The following LBP variants were observed in gnomAD, a reference collection of about 807,000 sequenced individuals.
LBP encodes lipopolysaccharide-binding protein.
In LBP, 53 loss-of-function variants were observed where a neutral mutation model predicts 56.6. That is an observed-to-expected ratio of 0.94 (90% confidence interval 0.75 to 1.18). LBP has a LOEUF of 1.18. Among genes scored for constraint, LBP ranks in the 50% most tolerant of loss-of-function variants. The pLI, the probability that LBP is intolerant of heterozygous loss-of-function variation, is 0.00. For missense variants in LBP, 601 were observed against 598.3 expected (o/e 1.00, Z -0.05); for synonymous variants, 227 against 247.5 (o/e 0.92, Z 0.78).
intron 7 of LBP, 46 bp from the exon 8 acceptor site, chr20:38,364,530 A>G (rs775204392): frequency 6.3e-7 from 1 of 1,596,838 alleles, no homozygotes; most frequent in East Asian, 2.2e-5. Context: ...CCCCTGCCCC[A>G]CGATAGGCTT....
At chr20:38,364,546 A>T in intron 7 of LBP, 30 bp from the exon 8 acceptor site, 1 of 1,612,338 alleles carries the variant, frequency 6.2e-7, no homozygotes, top group Non-Finnish European at 8.5e-7. Flanking sequence ...GGCTTTGAAA[A>T]GTCCAATTGG....
At chr20:38,365,558 A>G (rs2076877589) in intron 8 of LBP, among the ~76,000 whole-genome samples, 1 of 151,214 alleles carries the variant, frequency 6.6e-6, no homozygotes, top group African/African-American at 2.4e-5. Context: ...TTAGCTGGGC[A>G]TGGTGGCACA....
intron 3 of LBP, among the ~76,000 whole-genome samples, chr20:38,352,728 C>G (rs2076824790): frequency 6.6e-6 from 1 of 152,134 alleles, no homozygotes; most frequent in Non-Finnish European, 1.5e-5. Context: ...GCACTCCAGT[C>G]TGGGCAAGAG....
Position 38,346,915 on chromosome 20 carries a change from T to C in LBP, c.124+275T>C, listed in dbSNP as rs146588891. 1.9e-4 allele frequency among the ~76,000 whole-genome samples: 29 copies of C among 152,226 alleles called. No individual in the cohort carries two copies. In the Middle Eastern group the frequency reaches 0.014, roughly 71 times the overall value. On this transcript the variant is annotated intron_variant, in intron 1 of 14. Coordinates refer to ENST00000217407, the MANE Select transcript of LBP (RefSeq NM_004139.5). ...TGGGAAATGATTCCAGGAAACACTGTAGGGAATCGGTACTGAGATGAGGAA... is the reference window on the plus strand; with the variant it reads ...TGGGAAATGATTCCAGGAAACACTGCAGGGAATCGGTACTGAGATGAGGAA...
chr20:38,364,512 A>C (rs987005047), intron 7 of LBP, 64 bp from the exon 8 acceptor site: 24 of 1,488,724 alleles, frequency 1.6e-5, no homozygotes, highest in Non-Finnish European at 2.2e-5. Flanking sequence ...GTGTAGGGGA[A>C]TACCTAGCCC....
chr20:38,368,047 A>AAAAGAAAG (rs559104819), intron 9 of LBP, among the ~76,000 whole-genome samples: 179 of 152,106 alleles, frequency 1.2e-3, no homozygotes, highest in African/African-American at 4.2e-3. Context: ...GAAAAGTTAA[A>AAAAGAAAG]AAAGAAAGAA....
Position 38,376,679 on chromosome 20 carries a change from A to G in LBP, c.*10A>G, listed in dbSNP as rs1157005027. On this transcript the variant is annotated 3_prime_UTR_variant, in exon 15 of 15. Coordinates refer to ENST00000217407, the MANE Select transcript of LBP (RefSeq NM_004139.5). ...ATACATGAGAGTTTGAGGACAAGAA[A>G]GATGAAGCTTGGAGGTCACAGCTGG... The G allele has an allele frequency of 6.2e-7, 1 of 1,612,960 alleles. No individual in the cohort carries two copies. Among genetic ancestry groups the G allele is most frequent in the Non-Finnish European group, 8.5e-7 (1 of 1,179,032 alleles).
At chr20:38,376,585 G>A (rs1180111720) in intron 14 of LBP, 40 bp from the exon 15 acceptor site, 3 of 1,588,230 alleles carry the variant, frequency 1.9e-6, no homozygotes, top group East Asian at 2.2e-5. Flanking sequence ...TTGGAGTAGA[G>A]GATGCTCTTT....
At chr20:38,347,764 G>A (rs1299178901) in intron 1 of LBP, among the ~76,000 whole-genome samples, 4 of 152,080 alleles carry the variant, frequency 2.6e-5, no homozygotes, top group East Asian at 1.9e-4. Context: ...AAAAAGCCTC[G>A]GGACATACAG....
intron 5 of LBP, among the ~76,000 whole-genome samples, chr20:38,355,687 T>C (rs1450513424): frequency 6.6e-6 from 1 of 152,032 alleles, no homozygotes; most frequent in Non-Finnish European, 1.5e-5. Flanking sequence ...CTCCCTCTGC[T>C]CCACCTTGCT....
chr20:38,368,881 T>C, intron 9 of LBP, 114 bp from the exon 10 acceptor site: 1 of 1,091,288 alleles, frequency 9.2e-7, no homozygotes, highest in Non-Finnish European at 1.4e-6. Flanking sequence ...GAGAATTTTG[T>C]TGGAAATAAA....
intron 4 of LBP, among the ~76,000 whole-genome samples, chr20:38,355,011 G>A (rs980804209): frequency 5.9e-5 from 9 of 152,176 alleles, no homozygotes; most frequent in Middle Eastern, 3.2e-3. Flanking sequence ...CAGGCCAGGC[G>A]ACAGAGGTTG....
chr20:38,354,285 A>C lies in LBP; in HGVS notation c.370A>C (p.Lys124Gln). 6.2e-7 allele frequency: 1 copy of C among 1,611,174 alleles called. No individual in the cohort carries two copies. Among genetic ancestry groups the C allele is most frequent in the Non-Finnish European group, 8.5e-7 (1 of 1,178,654 alleles). Reference sequence around the variant, plus strand: ...CATGGCTTCTCTTACCTCCTCCAGCAAACTACAGGGCTCCTTTGATGTCAG... The same window carrying C: ...CATGGCTTCTCTTACCTCCTCCAGCCAACTACAGGGCTCCTTTGATGTCAG... The part of the protein sequence containing the change: ...GRWKVRKSFF[K>Q]LQGSFDVSVK... The change falls in exon 4 of 15, where the codon AAA becomes CAA. Residue 124 changes from lysine (K) to glutamine (Q), a missense_variant and splice_region_variant. By Grantham distance (53) the Lys-to-Gln change is moderately conservative. Coordinates refer to ENST00000217407, the MANE Select transcript of LBP (RefSeq NM_004139.5).
intron 6 of LBP, among the ~76,000 whole-genome samples, chr20:38,362,554 G>A (rs11536964): frequency 0.066 from 9,977 of 151,296 alleles, 395 homozygotes; most frequent in South Asian, 0.13. Context: ...CGGAGTTTGC[G>A]GTGAGTTGAG....
intron 11 of LBP, 81 bp downstream of exon 11, chr20:38,370,886 G>A: frequency 8.6e-7 from 1 of 1,166,162 alleles, no homozygotes; most frequent in Non-Finnish European, 1.3e-6. Context: ...TAGCTGGTGG[G>A]AGGGGGGGCC....
At chr20:38,365,896 G>A (rs1027106236) in intron 8 of LBP, among the ~76,000 whole-genome samples, 1 of 151,932 alleles carries the variant, frequency 6.6e-6, no homozygotes, top group African/African-American at 2.4e-5. Flanking sequence ...CTGTCGGGGA[G>A]CTTCCTTGTA....
At chr20:38,356,581 C>T (rs78701649) in intron 5 of LBP, among the ~76,000 whole-genome samples, 2,307 of 152,104 alleles carry the variant, frequency 0.015, 30 homozygotes, top group Non-Finnish European at 0.025. Flanking sequence ...GTTCTGGGTC[C>T]CTGGGATTAA....
intron 6 of LBP, among the ~76,000 whole-genome samples, chr20:38,361,215 C>G (rs1420152284): frequency 6.6e-6 from 1 of 151,768 alleles, no homozygotes; most frequent in Non-Finnish European, 1.5e-5. Flanking sequence ...ATTTTTCTCC[C>G]CCACTTTTCT....
Position 38,354,441 on chromosome 20 carries a change from T to C in LBP, c.524+2T>C. 6.2e-7 allele frequency: 1 copy of C among 1,608,830 alleles called. No homozygotes were observed. The highest frequency in any genetic ancestry group is 1.3e-5 in the African/African-American group (1 of 74,926). On this transcript the variant is annotated splice_donor_variant, in intron 4 of 14. Transcript: ENST00000217407. LOFTEE classifies it high-confidence loss of function. Reference sequence around the variant, plus strand: ...GGTGGACATGTCGGGAGACTTGGGGTAGGTCTCCATCGGGGCACTGCCAGC... The same window carrying C: ...GGTGGACATGTCGGGAGACTTGGGGCAGGTCTCCATCGGGGCACTGCCAGC...
Sources: allele counts gnomAD v4.1 joint callset (sites outside exome capture counted in the v4.1 genomes callset), GRCh38; gene constraint gnomAD v4.1.1; transcripts MANE v1.5; gene names NCBI Gene and HGNC (gene_info 2026-07-23, HGNC 2026-07-21).